KIRREL3: variants seen among roughly 807,000 people sequenced by gnomAD.
The protein encoded by KIRREL3 is kin of IRRE-like protein 3.
KIRREL3 carries 36 observed loss-of-function variants against 89.7 expected under a neutral mutation model. That is an observed-to-expected ratio of 0.40 (90% confidence interval 0.31 to 0.53). The LOEUF is 0.53. KIRREL3 is among the 20% of genes least tolerant of loss of function. KIRREL3 has a pLI of 0.49. For synonymous variants in KIRREL3, 445 were observed against 441.4 expected (o/e 1.01, Z -0.10); for missense variants, 864 against 1,056.6 (o/e 0.82, Z 2.53).
At position 126,544,192 on chromosome 11, in the gene KIRREL3, T is replaced by C. The variant is rs12291500; in HGVS notation, c.134-17505A>G. The C allele has an allele frequency of 0.27, 41,472 of 152,200 alleles. 7,075 individuals carry two copies. Among genetic ancestry groups the C allele is most frequent in the African/African-American group, 0.48 (20,066 of 41,486 alleles). The allele number at this position is 152,200 out of a possible 1,614,324, so 9.4% of individuals were successfully genotyped here. On this transcript the variant is annotated intron_variant, in intron 2 of 16. Coordinates refer to ENST00000525144, the MANE Select transcript of KIRREL3 (RefSeq NM_032531.4). The surrounding 1 kb of genome is among the most constrained non-coding windows in gnomAD (Gnocchi z 5.6). The stretch of plus-strand genomic sequence containing the variant: ...CTAAACGCAACGATATTTGGTAACA[T>C]GCGGCATCTTGGGGAGAGCATTCAT...
chr11:126,573,948 C>A (rs985340472), intron 1 of KIRREL3, among the ~76,000 whole-genome samples: 1 of 152,108 alleles, frequency 6.6e-6, no homozygotes, highest in Admixed American at 6.5e-5. Flanking sequence ...ATGGTCTGGA[C>A]CCTGCTCCTG....
At position 126,780,462 on chromosome 11, in the gene KIRREL3, T is replaced by C. The variant is rs566500273; in HGVS notation, c.56-217550A>G. ...TCTCACTTACCTGATGTGGAACATA[T>C]GCTGGGATCAGAATGACAGAGAATA... On this transcript the variant is annotated intron_variant, in intron 1 of 16. Coordinates refer to ENST00000525144, the MANE Select transcript of KIRREL3 (RefSeq NM_032531.4). This position sits in a 1 kb window ranked among gnomAD's most constrained non-coding sequence, Gnocchi z 5.3. 6.6e-6 allele frequency among the ~76,000 whole-genome samples: 1 copy of C among 152,256 alleles called. No individual in the cohort carries two copies. Among genetic ancestry groups the C allele is most frequent in the Non-Finnish European group, 1.5e-5 (1 of 68,044 alleles).
intron 1 of KIRREL3, among the ~76,000 whole-genome samples, chr11:126,862,148 C>G (rs964155633): frequency 1.3e-5 from 2 of 152,208 alleles, no homozygotes; most frequent in Non-Finnish European, 2.9e-5. Flanking sequence ...GAGCTCTTCC[C>G]CTAGCATCAT....
rs528329405 is a variant in KIRREL3, at chr11:126,425,623, C to A, written c.1893+15G>T. ...GATTCCATGGCTGTGTCTTATAACC[C>A]GGGGCCCTTCTTACCTTCAGGTTCT... On this transcript the variant is annotated intron_variant, in intron 16 of 16. Transcript: ENST00000525144. 5.5e-5 allele frequency: 86 copies of A among 1,564,624 alleles called. No individual in the cohort carries two copies. In the East Asian group the frequency reaches 2.0e-3, roughly 36 times the overall value.
chr11:126,625,285 C>T (rs990164412), intron 1 of KIRREL3, among the ~76,000 whole-genome samples: 1 of 152,134 alleles, frequency 6.6e-6, no homozygotes, highest in Non-Finnish European at 1.5e-5. Flanking sequence ...ACTGCTTCCC[C>T]TGGTCTATTC....
intron 1 of KIRREL3, among the ~76,000 whole-genome samples, chr11:126,889,569 A>C (rs1945829900): frequency 6.6e-6 from 1 of 152,210 alleles, no homozygotes; most frequent in Non-Finnish European, 1.5e-5. Context: ...ATTACCACTC[A>C]AGTCTTGTTT....
At chr11:126,868,027 T>C (rs1478665735) in intron 1 of KIRREL3, among the ~76,000 whole-genome samples, 2 of 124,256 alleles carry the variant, frequency 1.6e-5, no homozygotes, top group South Asian at 2.7e-4. Flanking sequence ...ATTATGGAAA[T>C]GTCTGAGTAA....
chr11:126,651,960 C>A lies in KIRREL3; in HGVS notation c.56-89048G>T, dbSNP rs1944921207. 6.6e-6 allele frequency among the ~76,000 whole-genome samples: 1 copy of A among 152,126 alleles called. No individual in the cohort carries two copies. The highest frequency in any genetic ancestry group is 1.5e-5 in the Non-Finnish European group (1 of 68,028). On this transcript the variant is annotated intron_variant, in intron 1 of 16. Coordinates refer to ENST00000525144, the MANE Select transcript of KIRREL3 (RefSeq NM_032531.4). This position sits in a 1 kb window ranked among gnomAD's most constrained non-coding sequence, Gnocchi z 4.6. Reference sequence around the variant, plus strand: ...AGTCCCTAATGAAAGTTTCTGAATTCAGATATTTAAATGATGGTAGGGTAA... The same window carrying A: ...AGTCCCTAATGAAAGTTTCTGAATTAAGATATTTAAATGATGGTAGGGTAA...
In KIRREL3 at chr11:126,515,032, G is replaced by C. The variant is rs1385515330; in HGVS notation, c.433+6283C>G. On this transcript the variant is annotated intron_variant, in intron 4 of 16. Transcript: ENST00000525144. The surrounding 1 kb of genome is among the most constrained non-coding windows in gnomAD (Gnocchi z 4.2). ...CAGTATGTGATTCTAGGCTGTGCTAGGCATGAAGGATGAAAGATGCTCCCA... is the reference window on the plus strand; with the variant it reads ...CAGTATGTGATTCTAGGCTGTGCTACGCATGAAGGATGAAAGATGCTCCCA... Among the ~76,000 whole-genome samples, 1 of 152,200 alleles carries C rather than the reference G, an allele frequency of 6.6e-6. No individual in the cohort carries two copies. Among genetic ancestry groups the C allele is most frequent in the South Asian group, 2.1e-4 (1 of 4,830 alleles).
rs557995258 is a variant in KIRREL3, at chr11:126,653,697, G to C, written c.56-90785C>G. 1.3e-5 allele frequency among the ~76,000 whole-genome samples: 2 copies of C among 152,332 alleles called. No homozygotes were observed. Among genetic ancestry groups the C allele is most frequent in the African/African-American group, 4.8e-5 (2 of 41,586 alleles). On this transcript the variant is annotated intron_variant, in intron 1 of 16. Transcript: ENST00000525144. This position sits in a 1 kb window ranked among gnomAD's most constrained non-coding sequence, Gnocchi z 5.4. ...GACACGCCAGGGCAATGAGAAACGG[G>C]AGGGGCTGCGTGAGACATGGCAAGG...
At chr11:126,442,715 G>A (rs2134184286) in intron 10 of KIRREL3, among the ~76,000 whole-genome samples, 1 of 152,370 alleles carries the variant, frequency 6.6e-6, no homozygotes, top group South Asian at 2.1e-4. Flanking sequence ...TGCCTGCTCT[G>A]CAGAAGCAGG....
intron 1 of KIRREL3, among the ~76,000 whole-genome samples, chr11:126,585,100 T>C (rs765641582): frequency 9.0e-4 from 135 of 150,342 alleles, no homozygotes; most frequent in Non-Finnish European, 1.5e-3. Flanking sequence ...TTTGTATTTT[T>C]AGTAGGGACG....
At chr11:126,450,881 G>A (rs1656654238) in intron 7 of KIRREL3, among the ~76,000 whole-genome samples, 2 of 148,442 alleles carry the variant, frequency 1.3e-5, no homozygotes, top group South Asian at 4.2e-4. Context: ...ATGTGTGCAT[G>A]TGTGCATGTG....
chr11:126,586,243 C>G (rs559385319), intron 1 of KIRREL3, among the ~76,000 whole-genome samples: 1 of 152,180 alleles, frequency 6.6e-6, no homozygotes, highest in Non-Finnish European at 1.5e-5. Flanking sequence ...CTCATGTGTC[C>G]TTGTTCATGA....
At position 126,685,552 on chromosome 11, in the gene KIRREL3, T is replaced by G. The variant is rs1004274496; in HGVS notation, c.56-122640A>C. Among the ~76,000 whole-genome samples the G allele has an allele frequency of 6.6e-6, 1 of 152,214 alleles. No homozygotes were observed. Among genetic ancestry groups the G allele is most frequent in the African/African-American group, 2.4e-5 (1 of 41,438 alleles). On this transcript the variant is annotated intron_variant, in intron 1 of 16. Coordinates refer to ENST00000525144, the MANE Select transcript of KIRREL3 (RefSeq NM_032531.4). The surrounding 1 kb of genome is among the most constrained non-coding windows in gnomAD (Gnocchi z 5.5). ...TAGTTAATGAGATTAAATTAATTAT[T>G]ATTTTAATTATGACATGTTTTCCTC... is the stretch of plus-strand genomic sequence containing the variant.
chr11:126,923,250 TTC>T (rs1565424121), intron 1 of KIRREL3, among the ~76,000 whole-genome samples: 1 of 65,862 alleles, frequency 1.5e-5, no homozygotes, highest in African/African-American at 6.0e-5. Context: ...CTTCTTCTTC[TTC>T]TTCTTCTTCT....
rs752059570 is a variant in KIRREL3, at chr11:126,424,811, C to T, written c.2106G>A (p.Ser702=). 22 of 1,614,048 alleles carry T rather than the reference C, an allele frequency of 1.4e-5. No individual in the cohort carries two copies. The highest frequency in any genetic ancestry group is 1.6e-4 in the Middle Eastern group (1 of 6,062). The part of the protein sequence containing the change: ...GQRFVLGMGS[S]SIELCEREFQ... ...ACTCCCGCTCACAAAGCTCGATGGACGAGCTGCCCATGCCCAGCACAAACC... is the reference window on the plus strand; with the variant it reads ...ACTCCCGCTCACAAAGCTCGATGGATGAGCTGCCCATGCCCAGCACAAACC... Residue 702 remains serine, a synonymous_variant, in exon 17 of 17, where the codon TCG becomes TCA. Transcript: ENST00000525144.
rs935296416 is a variant in KIRREL3 at position 126,656,440 on chromosome 11, T to G, written c.56-93528A>C. Among the ~76,000 whole-genome samples, 1 of 152,212 alleles carries G rather than the reference T, an allele frequency of 6.6e-6. No individual in the cohort carries two copies. The highest frequency in any genetic ancestry group is 1.5e-5 in the Non-Finnish European group (1 of 68,040). On this transcript the variant is annotated intron_variant, in intron 1 of 16. Coordinates refer to ENST00000525144, the MANE Select transcript of KIRREL3 (RefSeq NM_032531.4). The surrounding 1 kb of genome is among the most constrained non-coding windows in gnomAD (Gnocchi z 4.0). ...TTGGAGTCTCTGGAAAACCTAGGTT[T>G]CCAAACCTTTCACCTTAAGTAGATT...
chr11:126,437,678 A>G (rs548760762), intron 11 of KIRREL3, among the ~76,000 whole-genome samples: 2 of 150,806 alleles, frequency 1.3e-5, no homozygotes, highest in African/African-American at 4.9e-5. Context: ...GGCAGACACG[A>G]CACCACATCT....
Sources: gnomAD v4.1 joint callset for allele counts (sites outside exome capture counted in the v4.1 genomes callset) on GRCh38, gnomAD v4.1.1 for gene constraint, Gnocchi (gnomAD v3.1) non-coding constraint, MANE v1.5 for transcripts, NCBI Gene and HGNC (gene_info 2026-07-23, HGNC 2026-07-21) for gene names.